The following SOX5 variants were observed in gnomAD, a reference collection of about 807,000 sequenced individuals.
SOX5 encodes transcription factor SOX-5.
In SOX5, 9 loss-of-function variants were observed where a neutral mutation model predicts 92.0. The ratio of observed to expected loss-of-function variants is 0.10; its 90% CI spans 0.06 to 0.17. The LOEUF is 0.17. Ranked by LOEUF, SOX5 falls within the 10% of genes least tolerant of loss-of-function variation. SOX5 has a pLI of 1.00. For synonymous variants in SOX5, 344 were observed against 336.3 expected (o/e 1.02, Z -0.25); for missense variants, 642 against 944.5 (o/e 0.68, Z 4.20).
chr12:24,287,539 A>G (rs1028887942), intron 2 of SOX5, among the ~76,000 whole-genome samples: 1 of 150,266 alleles, frequency 6.7e-6, no homozygotes. Context: ...AGAACACAGA[A>G]GCGCGAGCTC....
chr12:23,678,639 A>T (rs896118339), intron 6 of SOX5, among the ~76,000 whole-genome samples: 1 of 151,984 alleles, frequency 6.6e-6, no homozygotes, highest in Non-Finnish European at 1.5e-5. Context: ...TTTATAATGC[A>T]TTTTTTCTAT....
chr12:23,539,095 A>G (rs1308615068), intron 13 of SOX5, among the ~76,000 whole-genome samples: 1 of 151,322 alleles, frequency 6.6e-6, no homozygotes, highest in Non-Finnish European at 1.5e-5. Flanking sequence ...GTGAGCCACC[A>G]CTCCTGGCCA....
chr12:23,772,909 G>A (rs1229951132), intron 3 of SOX5, among the ~76,000 whole-genome samples: 1 of 152,154 alleles, frequency 6.6e-6, no homozygotes, highest in Admixed American at 6.5e-5. Context: ...CTCAGTGAGT[G>A]GCAGGGCACA....
intron 3 of SOX5, among the ~76,000 whole-genome samples, chr12:23,809,645 C>A (rs2095842322): frequency 6.7e-6 from 1 of 149,310 alleles, no homozygotes; most frequent in South Asian, 2.1e-4. Context: ...TACTCAAATT[C>A]AATCTTGCTT....
At chr12:24,499,771 TA>T (rs1363175505) in intron 1 of SOX5, among the ~76,000 whole-genome samples, 3 of 143,106 alleles carry the variant, frequency 2.1e-5, no homozygotes. Flanking sequence ...TTTTTTTTTT[TA>T]AATAGAAAAC....
Position 23,949,545 on chromosome 12 carries a change from G to A in SOX5, c.38+19C>T. The A allele has an allele frequency of 1.9e-6, 3 of 1,613,246 alleles. No individual in the cohort carries two copies. Among genetic ancestry groups the A allele is most frequent in the Non-Finnish European group, 2.5e-6 (3 of 1,179,338 alleles). The stretch of plus-strand genomic sequence containing the variant: ...GAGAGTTGTACTTCAATATATTAGG[G>A]GGAAAAAACTGTACTCACCTTTCAA... On this transcript the variant is annotated intron_variant, in intron 1 of 14. Transcript: ENST00000451604.
At chr12:24,005,294 C>T (rs968557147) in intron 4 of SOX5, among the ~76,000 whole-genome samples, 5 of 152,064 alleles carry the variant, frequency 3.3e-5, no homozygotes, top group Non-Finnish European at 5.9e-5. Context: ...CATGACTGAT[C>T]TTTAAGTACA....
chr12:24,112,203 A>G (rs1021020736), intron 4 of SOX5, among the ~76,000 whole-genome samples: 1 of 152,256 alleles, frequency 6.6e-6, no homozygotes, highest in Non-Finnish European at 1.5e-5. Flanking sequence ...GTGAAACTGG[A>G]AAGTTTGAGA....
In SOX5 at chr12:23,937,266, G is replaced by T. The variant is rs1249150740; in HGVS notation, c.38+12298C>A. Among the ~76,000 whole-genome samples the T allele has an allele frequency of 2.0e-5, 3 of 150,966 alleles. No individual in the cohort carries two copies. The East Asian group carries it at 5.8e-4, about 29-fold the overall frequency. ...TAAGGAACAGTCTATAATAGCTCTT[G>T]CCAACTGGTCTACAAATGTAAAAGC... On this transcript the variant is annotated intron_variant, in intron 1 of 14. Transcript: ENST00000451604.
At chr12:24,327,408 TTTTTTTTTTTTTTTTTTTTTTTTTG>T (rs1950829038) in intron 2 of SOX5, among the ~76,000 whole-genome samples, 3 of 42,450 alleles carry the variant, frequency 7.1e-5, no homozygotes, top group Admixed American at 6.8e-4. Context: ...TTTTTTTTTT[TTTTTTTTTTTTTTTTTTTTTTTTTG>T]AGATGGAGTT....
intron 1 of SOX5, among the ~76,000 whole-genome samples, chr12:24,450,124 G>C (rs1942056301): frequency 6.6e-6 from 1 of 151,604 alleles, no homozygotes; most frequent in Non-Finnish European, 1.5e-5. Flanking sequence ...TTGTTCCTTA[G>C]AACAGGACTT....
In SOX5 at chr12:24,056,401, TGAA is replaced by T. The variant is rs1464504424; in HGVS notation, c.-2+156939_-2+156941del. Among the ~76,000 whole-genome samples, 7 of 152,346 alleles carry T rather than the reference TGAA, an allele frequency of 4.6e-5. No homozygotes were observed. In the East Asian group the frequency reaches 1.4e-3, roughly 29 times the overall value. The stretch of plus-strand genomic sequence containing the variant: ...CCTGTAGTTGAAATTTGAGGTTACT[TGAA>T]GTTTTTAAAAAGTCAGACTATAGTT... On this transcript the variant is annotated intron_variant, in intron 4 of 4. Transcript: ENST00000446891.
intron 3 of SOX5, among the ~76,000 whole-genome samples, chr12:24,219,301 G>A (rs1434364029): frequency 1.3e-5 from 2 of 152,126 alleles, no homozygotes; most frequent in Middle Eastern, 6.8e-3. Flanking sequence ...AACTAAAGGA[G>A]TGGAATTGAA....
At chr12:23,665,663 A>G in intron 6 of SOX5, 99 bp from the exon 7 acceptor site, 5 of 1,372,718 alleles carry the variant, frequency 3.6e-6, no homozygotes, top group Non-Finnish European at 4.9e-6. Context: ...TCATTTATTC[A>G]ATTCAAAAGA....
At chr12:24,295,902 A>T (rs868336328) in intron 2 of SOX5, among the ~76,000 whole-genome samples, 2 of 152,252 alleles carry the variant, frequency 1.3e-5, no homozygotes, top group African/African-American at 4.8e-5. Context: ...TATTTGGTGT[A>T]TCTAATATGC....
At chr12:24,347,364 T>C (rs1430027408) in intron 2 of SOX5, among the ~76,000 whole-genome samples, 1 of 152,182 alleles carries the variant, frequency 6.6e-6, no homozygotes, top group East Asian at 1.9e-4. Context: ...GAACCAATCC[T>C]TCAAGGATAA....
At chr12:24,135,724 G>T (rs1950050753) in intron 4 of SOX5, among the ~76,000 whole-genome samples, 1 of 152,182 alleles carries the variant, frequency 6.6e-6, no homozygotes, top group African/African-American at 2.4e-5. Context: ...ATGCTTAAGA[G>T]AAAAAGCAGC....
intron 11 of SOX5, among the ~76,000 whole-genome samples, chr12:23,556,908 CA>C: frequency 6.6e-6 from 1 of 152,334 alleles, no homozygotes; most frequent in Admixed American, 6.5e-5. Context: ...CCCCATCCAT[CA>C]GATGGCCAGC....
At chr12:23,727,937 T>C (rs1202124241) in intron 6 of SOX5, among the ~76,000 whole-genome samples, 2 of 152,180 alleles carry the variant, frequency 1.3e-5, no homozygotes, top group East Asian at 1.9e-4. Context: ...AATCCGTATG[T>C]CTGTCTACAG....
Sources: allele counts gnomAD v4.1 joint callset (sites outside exome capture counted in the v4.1 genomes callset), GRCh38; gene constraint gnomAD v4.1.1; transcripts MANE v1.5; gene names NCBI Gene and HGNC (gene_info 2026-07-23, HGNC 2026-07-21).